Variants in SRGAP2 observed in about 807,000 individuals in gnomAD.
SRGAP2 encodes SLIT-ROBO Rho GTPase activating protein 2.
A neutral mutation model predicts 57.2 loss-of-function variants in SRGAP2; 15 were observed. The observed-to-expected ratio is 0.26, with a 90% CI of 0.18 to 0.40. SRGAP2 has a LOEUF of 0.40. Among genes scored for constraint, SRGAP2 ranks in the 10% least tolerant of loss-of-function variants. The probability of loss-of-function intolerance (pLI) is 1.00; values close to 1 mark genes in which losing one functional copy is unlikely to be tolerated. For missense variants in SRGAP2, 520 were observed against 669.6 expected (o/e 0.78, Z 2.47); for synonymous variants, 249 against 248.0 (o/e 1.00, Z -0.04).
intron 4 of SRGAP2, among the ~76,000 whole-genome samples, chr1:206,359,099 T>A (rs1403572742): frequency 6.6e-6 from 1 of 152,002 alleles, no homozygotes; most frequent in Non-Finnish European, 1.5e-5. Context: ...CTGTTTCTTA[T>A]CTTACAGAAA....
chr1:206,292,771 A>G (rs1255052027), intron 2 of SRGAP2, among the ~76,000 whole-genome samples: 3 of 150,584 alleles, frequency 2.0e-5, no homozygotes, highest in Non-Finnish European at 4.4e-5. Flanking sequence ...CCTAACTGCC[A>G]TCTATAATAT....
At chr1:206,260,895 A>T (rs541038814) in intron 2 of SRGAP2, among the ~76,000 whole-genome samples, 1 of 152,388 alleles carries the variant, frequency 6.6e-6, no homozygotes, top group Non-Finnish European at 1.5e-5. Context: ...TTGTTGGTTG[A>T]TAAATTCCCA....
intron 14 of SRGAP2, among the ~76,000 whole-genome samples, chr1:206,435,025 A>G (rs1661603439): frequency 1.3e-5 from 2 of 152,292 alleles, no homozygotes; most frequent in South Asian, 2.1e-4. Context: ...TTTACATCCC[A>G]TTTGTAACTA....
chr1:206,377,481 A>ATTTTTT (rs782108315), intron 4 of SRGAP2, among the ~76,000 whole-genome samples: 1 of 98,968 alleles, frequency 1.0e-5, no homozygotes, highest in African/African-American at 4.3e-5. Flanking sequence ...TTGAAATCAG[A>ATTTTTT]TTTTTTTTTT....
At chr1:206,293,121 T>G (rs1237335674) in intron 2 of SRGAP2, among the ~76,000 whole-genome samples, 3 of 152,252 alleles carry the variant, frequency 2.0e-5, no homozygotes, top group Admixed American at 2.0e-4. Flanking sequence ...GTTGGAGCCT[T>G]GAGCACATAC....
At chr1:206,439,203 A>G (rs1662049406) in intron 16 of SRGAP2, among the ~76,000 whole-genome samples, 1 of 152,044 alleles carries the variant, frequency 6.6e-6, no homozygotes, top group Non-Finnish European at 1.5e-5. Context: ...CACTCATAGA[A>G]AATGGCAGTG....
At chr1:206,446,998 G>A (rs1460928732) in intron 18 of SRGAP2, among the ~76,000 whole-genome samples, 3 of 152,192 alleles carry the variant, frequency 2.0e-5, no homozygotes, top group Non-Finnish European at 4.4e-5. Flanking sequence ...AACCCAGAAA[G>A]GCCAGTGACA....
At chr1:206,425,755 G>A (rs1260445866) in intron 13 of SRGAP2, among the ~76,000 whole-genome samples, 7 of 151,334 alleles carry the variant, frequency 4.6e-5, no homozygotes, top group Non-Finnish European at 7.4e-5. Context: ...GGCTGGTCTC[G>A]AACTCCTGAC....
In SRGAP2 at chr1:206,446,815, C is replaced by T. The variant is rs116396281; in HGVS notation, c.2099+516C>T. Among the ~76,000 whole-genome samples the T allele has an allele frequency of 9.1e-3, 1,390 of 152,264 alleles. 21 individuals are homozygous for T. Among genetic ancestry groups the T allele is most frequent in the African/African-American group, 0.032 (1,328 of 41,538 alleles). Reference sequence around the variant, plus strand: ...AAAGAAGGGTAAGCCTTGTTTTTGGCAGGTTAGGGACTGTCCTCCCCTGAA... The same window carrying T: ...AAAGAAGGGTAAGCCTTGTTTTTGGTAGGTTAGGGACTGTCCTCCCCTGAA... On this transcript the variant is annotated intron_variant, in intron 18 of 22. Coordinates refer to ENST00000573034, the MANE Select transcript of SRGAP2 (RefSeq NM_015326.5).
intron 4 of SRGAP2, among the ~76,000 whole-genome samples, chr1:206,352,967 G>A (rs1454989691): frequency 3.9e-5 from 6 of 152,068 alleles, no homozygotes; most frequent in African/African-American, 1.2e-4. Context: ...GATTACAGGC[G>A]TGAGCTGCCA....
intron 2 of SRGAP2, among the ~76,000 whole-genome samples, chr1:206,289,666 A>G (rs1671206328): frequency 7.0e-6 from 1 of 143,512 alleles, no homozygotes; most frequent in African/African-American, 2.6e-5. Context: ...TCTTTTTACT[A>G]AATATATAAC....
At chr1:206,453,987 A>G in intron 20 of SRGAP2, 2 of 628,722 alleles carry the variant, frequency 3.2e-6, no homozygotes, top group Middle Eastern at 5.4e-4. Flanking sequence ...CTCATCTGAT[A>G]GGCTGTTGGT....
At chr1:206,359,910 C>A (rs1357712531) in intron 4 of SRGAP2, among the ~76,000 whole-genome samples, 4 of 147,348 alleles carry the variant, frequency 2.7e-5, no homozygotes, top group Non-Finnish European at 6.0e-5. Flanking sequence ...GGGTTCACGC[C>A]ATTCTCCTGC....
At chr1:206,424,819 C>A (rs895821374) in intron 13 of SRGAP2, among the ~76,000 whole-genome samples, 1 of 152,156 alleles carries the variant, frequency 6.6e-6, no homozygotes, top group Non-Finnish European at 1.5e-5. Flanking sequence ...ATGGCAGGAG[C>A]GTTCAAAGCC....
intron 7 of SRGAP2, among the ~76,000 whole-genome samples, chr1:206,394,038 CTTTTTTTTTTT>C (rs577375533): frequency 5.0e-4 from 25 of 49,904 alleles, no homozygotes; most frequent in Admixed American, 9.0e-4. Flanking sequence ...TACTTTCTTC[CTTTTTTTTTTT>C]TTTTTTTTTT....
At chr1:206,455,283 C>G in intron 21 of SRGAP2, 1 of 521,150 alleles carries the variant, frequency 1.9e-6, no homozygotes, top group Non-Finnish European at 3.5e-6. Context: ...CCCGCAGTGT[C>G]TGTCCACCCA....
In SRGAP2 at chr1:206,454,424, G is replaced by C. The variant is rs1344267501; in HGVS notation, c.2361-454G>C. On this transcript the variant is annotated intron_variant, in intron 20 of 22. Transcript: ENST00000573034. The surrounding 1 kb of genome is among the most constrained non-coding windows in gnomAD (Gnocchi z 4.3). The stretch of plus-strand genomic sequence containing the variant: ...GAGCGGGGCTAGAGGCGCTACGACA[G>C]TGTGTGGCGGTGTCCTGCCACGACG... 2.5e-5 allele frequency: 13 copies of C among 528,676 alleles called. No individual in the cohort carries two copies. Among genetic ancestry groups the C allele is most frequent in the Middle Eastern group, 4.8e-4 (1 of 2,068 alleles). 32.7% of individuals were successfully genotyped at this position (528,676 alleles called of 1,614,324 possible).
chr1:206,241,911 C>T (rs1362787070), intron 2 of SRGAP2, among the ~76,000 whole-genome samples: 4 of 104,558 alleles, frequency 3.8e-5, no homozygotes, highest in African/African-American at 8.9e-5. Flanking sequence ...GAGGTGTTTG[C>T]GTGTGTGTGT....
At chr1:206,386,673 C>T (rs1268352709) in intron 5 of SRGAP2, among the ~76,000 whole-genome samples, 1 of 134,896 alleles carries the variant, frequency 7.4e-6, no homozygotes, top group Non-Finnish European at 1.6e-5. Flanking sequence ...GTGGCGGGTG[C>T]CTGTAGTCCC....
Sources: allele counts gnomAD v4.1 joint callset (sites outside exome capture counted in the v4.1 genomes callset), GRCh38; gene constraint gnomAD v4.1.1; non-coding constraint Gnocchi (gnomAD v3.1); transcripts MANE v1.5; gene names NCBI Gene and HGNC (gene_info 2026-07-23, HGNC 2026-07-21).